Variants in PDZD2 observed in about 807,000 individuals in gnomAD.
PDZD2 encodes PDZ domain containing 2.
PDZD2 carries 90 observed loss-of-function variants against 220.7 expected under a neutral mutation model. That is an observed-to-expected ratio of 0.41 (90% confidence interval 0.34 to 0.49). The LOEUF (loss-of-function observed/expected upper bound fraction) is 0.49, where lower values mean the gene tolerates loss of function less well. PDZD2 is among the 20% of genes least tolerant of loss of function. The pLI, the probability that PDZD2 is intolerant of heterozygous loss-of-function variation, is 0.28. For missense variants in PDZD2, 3,174 were observed against 3,608.5 expected, an observed-to-expected ratio of 0.88 and a Z score of 3.08; for synonymous variants, 1,375 against 1,450.5, an observed-to-expected ratio of 0.95 and a Z score of 1.18.
rs1748217861 is a variant in PDZD2 at position 31,713,012 on chromosome 5, G to T, written c.-361+73575G>T. ...CGGTGATCTGCTAACTCTGACTATG[G>T]CTGCCTGGACCACAGTGTTGAGAAG... On this transcript the variant is annotated intron_variant, in intron 1 of 24. Transcript: ENST00000438447. 5.9e-5 allele frequency among the ~76,000 whole-genome samples: 9 copies of T among 152,294 alleles called. No individual in the cohort carries two copies. The South Asian group carries it at 1.9e-3, about 32-fold the overall frequency.
At chr5:31,836,087 G>A (rs1009542982) in intron 2 of PDZD2, among the ~76,000 whole-genome samples, 21 of 152,270 alleles carry the variant, frequency 1.4e-4, no homozygotes, top group African/African-American at 3.6e-4. Context: ...AGGATTCTGC[G>A]TTGGTGCTCC....
At chr5:31,873,645 G>A (rs141881714) in intron 2 of PDZD2, among the ~76,000 whole-genome samples, 4,306 of 151,504 alleles carry the variant, frequency 0.028, 188 homozygotes, top group African/African-American at 0.096. Context: ...AAAGCGATCC[G>A]CCTGCCTTGG....
chr5:31,664,043 T>G (rs953693936), intron 1 of PDZD2, among the ~76,000 whole-genome samples: 1 of 152,238 alleles, frequency 6.6e-6, no homozygotes, highest in South Asian at 2.1e-4. Flanking sequence ...TAGGCGGTGA[T>G]GATATAGAGG....
intron 2 of PDZD2, among the ~76,000 whole-genome samples, chr5:31,942,397 G>A (rs1302697780): frequency 2.0e-5 from 3 of 152,284 alleles, no homozygotes; most frequent in East Asian, 3.9e-4. Flanking sequence ...GTGTGTGTGT[G>A]TGTGTGTCAG....
rs529207892 is a variant in PDZD2, at chr5:32,043,917, G to A, written c.1520-4622G>A. Among the ~76,000 whole-genome samples the A allele has an allele frequency of 1.4e-4, 22 of 152,106 alleles. No homozygotes were observed. The East Asian group carries it at 3.5e-3, about 24-fold the overall frequency. On this transcript the variant is annotated intron_variant, in intron 7 of 24. Coordinates refer to ENST00000438447, the MANE Select transcript of PDZD2 (RefSeq NM_178140.4). ...GCTGGGATATCAGATGTGAGCCACC[G>A]TGCACGACCTAACCACTCTCATCAT...
intron 1 of PDZD2, among the ~76,000 whole-genome samples, chr5:31,741,348 T>C (rs1354540724): frequency 6.7e-6 from 1 of 149,364 alleles, no homozygotes; most frequent in Non-Finnish European, 1.5e-5. Context: ...ATTGATTCAG[T>C]TTAAAGCCAA....
At chr5:32,012,477 G>A (rs911012291) in intron 6 of PDZD2, among the ~76,000 whole-genome samples, 7 of 151,958 alleles carry the variant, frequency 4.6e-5, no homozygotes, top group Admixed American at 1.3e-4. Flanking sequence ...TCTGTCTCCC[G>A]GGTTCTAGCA....
chr5:31,875,827 C>T (rs1739255188), intron 2 of PDZD2, among the ~76,000 whole-genome samples: 1 of 151,690 alleles, frequency 6.6e-6, no homozygotes, highest in African/African-American at 2.4e-5. Flanking sequence ...TTATTCTCTT[C>T]TGATAATTTG....
chr5:31,910,722 G>A lies in PDZD2; in HGVS notation c.477-72433G>A, dbSNP rs138025574. 3.3e-3 allele frequency among the ~76,000 whole-genome samples: 504 copies of A among 151,552 alleles called. 2 individuals carry two copies. The highest frequency in any genetic ancestry group is 0.012 in the African/African-American group (488 of 41,300). On this transcript the variant is annotated intron_variant, in intron 2 of 24. Coordinates refer to ENST00000438447, the MANE Select transcript of PDZD2 (RefSeq NM_178140.4). ...TTTTTGTATTTTTAGTAGAGACAGGGTTTCACCATGTTGGCCAGGCTGGTC... is the reference window on the plus strand; with the variant it reads ...TTTTTGTATTTTTAGTAGAGACAGGATTTCACCATGTTGGCCAGGCTGGTC...
intron 1 of PDZD2, among the ~76,000 whole-genome samples, chr5:31,718,974 A>G (rs899648109): frequency 6.6e-6 from 1 of 152,154 alleles, no homozygotes; most frequent in Non-Finnish European, 1.5e-5. Context: ...TACTGGGATT[A>G]CAGGTGTGAG....
In PDZD2 at chr5:32,000,116, T is replaced by G. The variant is rs949834930; in HGVS notation, c.1122-23T>G. On this transcript the variant is annotated intron_variant, in intron 4 of 24. Coordinates refer to ENST00000438447, the MANE Select transcript of PDZD2 (RefSeq NM_178140.4). The surrounding 1 kb of genome is among the most constrained non-coding windows in gnomAD (Gnocchi z 4.5). ...CCCAGAATGTCTTGACAAGGGATCT[T>G]TTTCCCATCTCCCTTTCCTCAGGGA... The G allele has an allele frequency of 1.9e-6, 3 of 1,612,498 alleles. No homozygotes were observed. The African/African-American group carries it at 4.0e-5, about 22-fold the overall frequency.
At chr5:32,018,973 GAGT>G (rs1753985136) in intron 6 of PDZD2, among the ~76,000 whole-genome samples, 1 of 152,108 alleles carries the variant, frequency 6.6e-6, no homozygotes, top group African/African-American at 2.4e-5. Context: ...AAGGAGATAA[GAGT>G]AGTTACTTGG....
chr5:32,092,618 A>C (rs1312765621), intron 20 of PDZD2, among the ~76,000 whole-genome samples: 1 of 152,226 alleles, frequency 6.6e-6, no homozygotes, highest in Non-Finnish European at 1.5e-5. Flanking sequence ...TGAATATTTT[A>C]AAACATGTCA....
intron 2 of PDZD2, among the ~76,000 whole-genome samples, chr5:31,955,082 G>A (rs896745372): frequency 1.3e-5 from 2 of 152,180 alleles, no homozygotes; most frequent in Non-Finnish European, 2.9e-5. Context: ...CTGTCTCTAG[G>A]AGCTGGGAAG....
intron 4 of PDZD2, 141 bp from the exon 5 acceptor site, chr5:31,999,998 A>G (rs1017769614): frequency 4.6e-6 from 3 of 657,184 alleles, no homozygotes; most frequent in African/African-American, 3.7e-5. Flanking sequence ...CGCATCCCCA[A>G]CTGCCTCTGG....
intron 1 of PDZD2, among the ~76,000 whole-genome samples, chr5:31,688,963 C>G (rs73751832): frequency 0.017 from 2,565 of 152,284 alleles, 62 homozygotes; most frequent in African/African-American, 0.058. Context: ...TGGCCAAGAG[C>G]TGGGAGCTCA....
chr5:32,086,755 C>T (rs1414618795), intron 19 of PDZD2, among the ~76,000 whole-genome samples: 1 of 151,948 alleles, frequency 6.6e-6, no homozygotes, highest in Non-Finnish European at 1.5e-5. Context: ...CGGCTCACTG[C>T]AACCTCCACC....
In PDZD2 at chr5:31,781,796, G is replaced by A. The variant is rs573787438; in HGVS notation, c.-360-17093G>A. ...CACAGTTGTATAATGTGAGACAGAC[G>A]TCTCATTTTGTCAGTGCCTATTTCA... On this transcript the variant is annotated intron_variant, in intron 1 of 24. Coordinates refer to ENST00000438447, the MANE Select transcript of PDZD2 (RefSeq NM_178140.4). 6.6e-5 allele frequency among the ~76,000 whole-genome samples: 10 copies of A among 152,224 alleles called. No individual in the cohort carries two copies. The East Asian group carries it at 1.4e-3, about 21-fold the overall frequency.
At chr5:31,951,242 A>AT (rs1270913968) in intron 2 of PDZD2, among the ~76,000 whole-genome samples, 55 of 152,020 alleles carry the variant, frequency 3.6e-4, no homozygotes, top group Admixed American at 3.3e-3. Context: ...TAATTTTTAA[A>AT]TTTTTTTAAG....
Sources: allele counts gnomAD v4.1 joint callset (sites outside exome capture counted in the v4.1 genomes callset), GRCh38; gene constraint gnomAD v4.1.1; non-coding constraint Gnocchi (gnomAD v3.1); transcripts MANE v1.5; gene names NCBI Gene and HGNC (gene_info 2026-07-23, HGNC 2026-07-21).